The following ADAMTS17 variants were observed in gnomAD, a reference collection of about 807,000 sequenced individuals.
ADAMTS17 encodes the protein ADAM metallopeptidase with thrombospondin type 1 motif 17.
In ADAMTS17, 113 loss-of-function variants were observed where a neutral mutation model predicts 141.5. The ratio of observed to expected loss-of-function variants is 0.80; its 90% CI spans 0.69 to 0.93. The LOEUF (loss-of-function observed/expected upper bound fraction) is 0.93. Among genes scored for constraint, ADAMTS17 ranks in the 40% least tolerant of loss-of-function variants. ADAMTS17 has a pLI of 0.00. For missense variants in ADAMTS17, 1,659 were observed against 1,517.9 expected (o/e 1.09, Z -1.54); for synonymous variants, 768 against 630.6 (o/e 1.22, Z -3.27).
At chr15:100,261,945 G>A (rs991724574) in intron 5 of ADAMTS17, among the ~76,000 whole-genome samples, 5 of 152,128 alleles carry the variant, frequency 3.3e-5, no homozygotes, top group South Asian at 2.1e-4. Flanking sequence ...GGCTTGACCC[G>A]GCAGGTAACA....
chr15:100,241,178 G>A (rs570560510), intron 7 of ADAMTS17, among the ~76,000 whole-genome samples: 1 of 152,194 alleles, frequency 6.6e-6, no homozygotes, highest in African/African-American at 2.4e-5. Flanking sequence ...CCTGGCCAAT[G>A]AATCTAATAT....
intron 12 of ADAMTS17, among the ~76,000 whole-genome samples, chr15:100,118,811 G>A (rs1366228011): frequency 6.6e-6 from 1 of 152,184 alleles, no homozygotes; most frequent in Non-Finnish European, 1.5e-5. Flanking sequence ...GCGGGCACCG[G>A]AGAAGGAACG....
chr15:100,088,666 A>T (rs1353580294), intron 15 of ADAMTS17, among the ~76,000 whole-genome samples: 1 of 152,082 alleles, frequency 6.6e-6, no homozygotes, highest in Non-Finnish European at 1.5e-5. Context: ...AACAGAACAG[A>T]GCCCTCAGAA....
In ADAMTS17 at chr15:99,993,486, T is replaced by C. The variant is rs1399986109; in HGVS notation, c.2797-286A>G. Among the ~76,000 whole-genome samples, 1 of 152,120 alleles carries C rather than the reference T, an allele frequency of 6.6e-6. No individual in the cohort carries two copies. Among genetic ancestry groups the C allele is most frequent in the Non-Finnish European group, 1.5e-5 (1 of 68,022 alleles). ...GAGGGGAGTGGAATTCAGTGGCCAC[T>C]TGTCGGGTCCAAAAGCTCAAGGCAA... is the stretch of plus-strand genomic sequence containing the variant. On this transcript the variant is annotated intron_variant, in intron 19 of 21. Coordinates refer to ENST00000268070, the MANE Select transcript of ADAMTS17 (RefSeq NM_139057.4). The surrounding 1 kb of genome is among the most constrained non-coding windows in gnomAD (Gnocchi z 4.3).
chr15:100,116,906 T>G lies in ADAMTS17; in HGVS notation c.1829A>C (p.Gln610Pro). The G allele has an allele frequency of 6.2e-7, 1 of 1,614,198 alleles. No homozygotes were observed. Among genetic ancestry groups the G allele is most frequent in the Non-Finnish European group, 8.5e-7 (1 of 1,180,036 alleles). ...CTTGGGGCTCAGCCGGTCGTGTGCCTGGCACTGCTGGTCCCGGAAGCTGGG... is the reference window on the plus strand; with the variant it reads ...CTTGGGGCTCAGCCGGTCGTGTGCCGGGCACTGCTGGTCCCGGAAGCTGGG... ...GLPSFRDQQC[Q>P]AHDRLSPKKK... The change falls in exon 13 of 22, where the codon CAG (glutamine) becomes CCG (proline). Residue 610 changes from glutamine (Q) to proline (P), a missense_variant. Physicochemically the swap from Gln to Pro is moderately conservative, Grantham distance 76. Coordinates refer to ENST00000268070, the MANE Select transcript of ADAMTS17 (RefSeq NM_139057.4).
At chr15:100,119,872 C>T (rs2037365248) in intron 12 of ADAMTS17, among the ~76,000 whole-genome samples, 1 of 152,212 alleles carries the variant, frequency 6.6e-6, no homozygotes, top group South Asian at 2.1e-4. Context: ...GCCACCTCCA[C>T]CCTATTTTTC....
rs537011462 is a variant in ADAMTS17, at chr15:100,050,547, C to T, written c.2455+1025G>A. ...AAGCACAGACAGTGAGGGTGGTTGG[C>T]CAAGATGCCCAGGAAGAAACTCCTG... On this transcript the variant is annotated intron_variant, in intron 17 of 21. Transcript: ENST00000268070. Among the ~76,000 whole-genome samples, 4 of 152,272 alleles carry T rather than the reference C, an allele frequency of 2.6e-5. No individual in the cohort carries two copies. The East Asian group carries it at 7.7e-4, about 29-fold the overall frequency.
chr15:100,060,117 T>A (rs932548765), intron 15 of ADAMTS17, among the ~76,000 whole-genome samples: 1 of 152,226 alleles, frequency 6.6e-6, no homozygotes, highest in Non-Finnish European at 1.5e-5. Flanking sequence ...ACTCCCCCAG[T>A]GATTTGATTT....
At chr15:100,110,494 G>T (rs1411235470) in intron 13 of ADAMTS17, among the ~76,000 whole-genome samples, 2 of 151,846 alleles carry the variant, frequency 1.3e-5, no homozygotes, top group Non-Finnish European at 2.9e-5. Flanking sequence ...TCGATCTCCT[G>T]ACCTCGTGAC....
At chr15:100,083,581 T>C (rs976137710) in intron 15 of ADAMTS17, among the ~76,000 whole-genome samples, 1 of 152,084 alleles carries the variant, frequency 6.6e-6, no homozygotes, top group African/African-American at 2.4e-5. Flanking sequence ...TCCTTCAGCC[T>C]TGACAGCAAA....
intron 8 of ADAMTS17, among the ~76,000 whole-genome samples, chr15:100,173,383 A>G (rs996419373): frequency 2.6e-5 from 4 of 152,064 alleles, no homozygotes; most frequent in South Asian, 2.1e-4. Flanking sequence ...TTTACAACCC[A>G]AAGTATGCCT....
chr15:100,030,736 A>G (rs551263200), intron 18 of ADAMTS17, among the ~76,000 whole-genome samples: 1 of 152,338 alleles, frequency 6.6e-6, no homozygotes, highest in Admixed American at 6.5e-5. Context: ...CGTATAAATT[A>G]TATGATCTTG....
intron 14 of ADAMTS17, among the ~76,000 whole-genome samples, chr15:100,103,344 C>T (rs117090710): frequency 3.9e-5 from 6 of 152,212 alleles, no homozygotes; most frequent in South Asian, 2.1e-4. Flanking sequence ...GTGCCAGGCA[C>T]GCTTTCCTGC....
At chr15:100,289,167 C>T (rs925375237) in intron 3 of ADAMTS17, among the ~76,000 whole-genome samples, 1 of 152,154 alleles carries the variant, frequency 6.6e-6, no homozygotes, top group African/African-American at 2.4e-5. Context: ...GACATTACCA[C>T]TAACTCCACA....
At chr15:100,096,219 T>C in intron 15 of ADAMTS17, 137 bp downstream of exon 15, 1 of 1,448,858 alleles carries the variant, frequency 6.9e-7, no homozygotes, top group Non-Finnish European at 9.4e-7. Context: ...TTTTCAGAAA[T>C]GAAACTGAAG....
intron 10 of ADAMTS17, among the ~76,000 whole-genome samples, chr15:100,140,484 C>CATATAT (rs1164353969): frequency 3.2e-4 from 13 of 40,896 alleles, no homozygotes; most frequent in Non-Finnish European, 4.9e-4. Flanking sequence ...CACACACATA[C>CATATAT]ATACATATAT....
At chr15:100,073,751 T>C (rs1372123158) in intron 15 of ADAMTS17, among the ~76,000 whole-genome samples, 1 of 43,162 alleles carries the variant, frequency 2.3e-5, no homozygotes, top group South Asian at 1.3e-3. Flanking sequence ...CATCACACAC[T>C]GGGGACTGTT....
intron 3 of ADAMTS17, among the ~76,000 whole-genome samples, chr15:100,302,261 C>A (rs906069062): frequency 6.6e-6 from 1 of 152,148 alleles, no homozygotes; most frequent in African/African-American, 2.4e-5. Context: ...CTTTTTATTG[C>A]CAAATAAAAT....
chr15:100,269,029 G>T (rs1187249235), intron 4 of ADAMTS17, among the ~76,000 whole-genome samples: 1 of 152,050 alleles, frequency 6.6e-6, no homozygotes, highest in Non-Finnish European at 1.5e-5. Flanking sequence ...ATAAGCAATA[G>T]GGAAAAGACT....
Sources: gnomAD v4.1 joint callset for allele counts (sites outside exome capture counted in the v4.1 genomes callset) on GRCh38, gnomAD v4.1.1 for gene constraint, Gnocchi (gnomAD v3.1) non-coding constraint, MANE v1.5 for transcripts, NCBI Gene and HGNC (gene_info 2026-07-23, HGNC 2026-07-21) for gene names.